RBFOX1: variants seen among roughly 807,000 people sequenced by gnomAD.
The protein encoded by RBFOX1 is RNA binding protein fox-1 homolog 1.
In RBFOX1, 8 loss-of-function variants were observed where a neutral mutation model predicts 57.7. That is an observed-to-expected ratio of 0.14 (90% confidence interval 0.08 to 0.25). The LOEUF (loss-of-function observed/expected upper bound fraction) is 0.25. Among genes scored for constraint, RBFOX1 ranks in the 10% least tolerant of loss-of-function variants. The pLI, the probability that RBFOX1 is intolerant of heterozygous loss-of-function variation, is 1.00. For missense variants in RBFOX1, 611 were observed against 548.5 expected, an observed-to-expected ratio of 1.11 and a Z score of -1.14; for synonymous variants, 326 against 222.4, an observed-to-expected ratio of 1.47 and a Z score of -4.15.
At chr16:7,282,402 C>T (rs2095563258) in intron 4 of RBFOX1, among the ~76,000 whole-genome samples, 1 of 152,134 alleles carries the variant, frequency 6.6e-6, no homozygotes, top group Non-Finnish European at 1.5e-5. Context: ...ATGAAGATAT[C>T]TCATTATAAG....
chr16:5,952,028 C>T (rs1025592368), intron 4 of RBFOX1, among the ~76,000 whole-genome samples: 15 of 150,258 alleles, frequency 1.0e-4, no homozygotes, highest in Non-Finnish European at 7.4e-5. Context: ...CACACACACA[C>T]ATATATATAG....
At chr16:7,382,466 G>C (rs771601745) in intron 4 of RBFOX1, among the ~76,000 whole-genome samples, 37 of 152,180 alleles carry the variant, frequency 2.4e-4, no homozygotes, top group Admixed American at 7.2e-4. Flanking sequence ...TTAAATGAAA[G>C]TACTTGGTTT....
chr16:6,004,528 C>T (rs118174488), intron 4 of RBFOX1, among the ~76,000 whole-genome samples: 3 of 152,204 alleles, frequency 2.0e-5, no homozygotes, highest in Non-Finnish European at 2.9e-5. Context: ...TATGGCCACT[C>T]AATGAATGTC....
chr16:5,265,767 T>C (rs1451981185), intron 1 of RBFOX1, among the ~76,000 whole-genome samples: 1 of 152,202 alleles, frequency 6.6e-6, no homozygotes, highest in Non-Finnish European at 1.5e-5. Context: ...GGTACCTCTC[T>C]GGAGTGAATG....
chr16:7,232,249 C>G (rs184741557), intron 4 of RBFOX1, among the ~76,000 whole-genome samples: 1 of 151,972 alleles, frequency 6.6e-6, no homozygotes, highest in Non-Finnish European at 1.5e-5. Flanking sequence ...GTCATGAACT[C>G]CTGAAAACTG....
intron 10 of RBFOX1, among the ~76,000 whole-genome samples, chr16:7,628,541 C>T (rs1432838368): frequency 6.6e-6 from 1 of 152,058 alleles, no homozygotes; most frequent in East Asian, 1.9e-4. Context: ...GCTGTTAATC[C>T]CCAGTGACCT....
rs555224756 is a variant in RBFOX1, at chr16:6,451,822, C to T, written c.-64+134765C>T. ...CATCCATGACTCCTTCCTCCCATGA[C>T]TCCATCCATGGCTCTTTCCTTCCAT... On this transcript the variant is annotated intron_variant, in intron 2 of 15. Transcript: ENST00000550418. 6.6e-5 allele frequency among the ~76,000 whole-genome samples: 10 copies of T among 151,886 alleles called. No homozygotes were observed. The South Asian group carries it at 2.1e-3, about 32-fold the overall frequency.
At chr16:6,094,732 A>C (rs780566274) in intron 1 of RBFOX1, among the ~76,000 whole-genome samples, 1 of 152,320 alleles carries the variant, frequency 6.6e-6, no homozygotes, top group South Asian at 2.1e-4. Flanking sequence ...TGACAGTATC[A>C]ACCTCATAGT....
chr16:6,465,598 CTGTGTGTGTGTGTGTGTGTGTG>C (rs56131263), intron 2 of RBFOX1, among the ~76,000 whole-genome samples: 6 of 144,962 alleles, frequency 4.1e-5, no homozygotes, highest in South Asian at 2.3e-4. Context: ...ATGTATAGGG[CTGTGTGTGTGTGTGTGTGTGTG>C]TGTGTGTGTG....
chr16:5,378,020 T>G lies in RBFOX1; in HGVS notation c.220-89196T>G, dbSNP rs574800077. Among the ~76,000 whole-genome samples the G allele has an allele frequency of 1.6e-3, 243 of 151,688 alleles. 10 individuals are homozygous for G. The highest frequency in any genetic ancestry group is 5.7e-3 in the African/African-American group (232 of 40,966). On this transcript the variant is annotated intron_variant, in intron 1 of 2. Coordinates refer to the RBFOX1 transcript ENST00000585867. ...GCACAATGACCTTTTCCATTTTATT[T>G]TTTTCTTTCTGTAGTCATTCATGGA...
At chr16:5,319,380 C>A (rs905490629) in intron 1 of RBFOX1, among the ~76,000 whole-genome samples, 4 of 152,168 alleles carry the variant, frequency 2.6e-5, no homozygotes, top group African/African-American at 7.2e-5. Flanking sequence ...TGGTTCACAG[C>A]CCTGTTCTAG....
intron 2 of RBFOX1, among the ~76,000 whole-genome samples, chr16:6,431,559 A>G (rs1052848259): frequency 1.1e-4 from 16 of 152,036 alleles, no homozygotes; most frequent in Admixed American, 7.9e-4. Context: ...AGGGGCTCCG[A>G]GGGTGTAAAT....
chr16:7,333,565 T>G (rs1431870988), intron 4 of RBFOX1, among the ~76,000 whole-genome samples: 1 of 152,188 alleles, frequency 6.6e-6, no homozygotes, highest in African/African-American at 2.4e-5. Context: ...CACCTGAATT[T>G]GAGTGGTGGC....
chr16:5,655,048 G>T (rs1299348070), intron 3 of RBFOX1, among the ~76,000 whole-genome samples: 2 of 152,162 alleles, frequency 1.3e-5, no homozygotes, highest in African/African-American at 4.8e-5. Context: ...TAGTGAGGAC[G>T]CACACACTAG....
intron 2 of RBFOX1, among the ~76,000 whole-genome samples, chr16:5,501,408 A>T (rs1447998871): frequency 4.6e-5 from 7 of 152,002 alleles, no homozygotes; most frequent in Non-Finnish European, 8.8e-5. Flanking sequence ...AAATGAATGA[A>T]TAGCAGACAA....
intron 2 of RBFOX1, among the ~76,000 whole-genome samples, chr16:6,441,153 G>T (rs1386534061): frequency 2.0e-5 from 3 of 152,144 alleles, no homozygotes; most frequent in African/African-American, 4.8e-5. Flanking sequence ...CATGCCCTGG[G>T]GGGTGGTGAG....
Position 7,047,734 on chromosome 16 carries a change from T to C in RBFOX1, c.-15-4323T>C, listed in dbSNP as rs1408297079. 7.2e-4 allele frequency among the ~76,000 whole-genome samples: 103 copies of C among 143,882 alleles called. 2 individuals are homozygous for C. Among genetic ancestry groups the C allele is most frequent in the African/African-American group, 2.3e-3 (89 of 38,000 alleles). The allele number at this position is 143,882 out of a possible 152,430, so 94.4% of individuals were successfully genotyped here. A position where few individuals can be genotyped will look rare whatever the true frequency, so the allele number is the denominator to read the frequency against. ...TGCATTTCTTTTTTTTTTTTTTTTTTTTTTTTTTTTTGTCTTCAATTTTTT... is the reference window on the plus strand; with the variant it reads ...TGCATTTCTTTTTTTTTTTTTTTTTCTTTTTTTTTTTGTCTTCAATTTTTT... On this transcript the variant is annotated intron_variant, in intron 3 of 15. Transcript: ENST00000550418.
At chr16:7,181,443 T>C (rs553234703) in intron 4 of RBFOX1, among the ~76,000 whole-genome samples, 23 of 152,340 alleles carry the variant, frequency 1.5e-4, no homozygotes, top group African/African-American at 5.0e-4. Context: ...TTTTACATTT[T>C]GGTAAGGCTA....
intron 3 of RBFOX1, among the ~76,000 whole-genome samples, chr16:6,944,893 T>A (rs1396851486): frequency 6.6e-6 from 1 of 152,152 alleles, no homozygotes; most frequent in Non-Finnish European, 1.5e-5. Flanking sequence ...TGGGTAGCTA[T>A]GAATTTGCAG....
Sources: allele counts gnomAD v4.1 joint callset (sites outside exome capture counted in the v4.1 genomes callset), GRCh38; gene constraint gnomAD v4.1.1; transcripts MANE v1.5; gene names NCBI Gene and HGNC (gene_info 2026-07-23, HGNC 2026-07-21).